Variants in PARVA observed in about 807,000 individuals in gnomAD.
PARVA encodes alpha-parvin.
PARVA carries 25 observed loss-of-function variants against 52.6 expected under a neutral mutation model. The ratio of observed to expected loss-of-function variants is 0.48; its 90% CI spans 0.35 to 0.66. The LOEUF is 0.66. Ranked by LOEUF, PARVA falls within the 30% of genes least tolerant of loss-of-function variation. The pLI is 0.01. For missense variants in PARVA, 373 were observed against 450.9 expected, an observed-to-expected ratio of 0.83 and a Z score of 1.56; for synonymous variants, 185 against 179.1, an observed-to-expected ratio of 1.03 and a Z score of -0.26.
chr11:12,422,757 T>G (rs1940169880), intron 1 of PARVA, among the ~76,000 whole-genome samples: 2 of 152,360 alleles, frequency 1.3e-5, no homozygotes, highest in Middle Eastern at 3.4e-3. Flanking sequence ...TATCTCACAC[T>G]ATAAGATTTT....
chr11:12,386,188 T>C (rs2134947978), intron 1 of PARVA, among the ~76,000 whole-genome samples: 1 of 152,296 alleles, frequency 6.6e-6, no homozygotes, highest in African/African-American at 2.4e-5. Context: ...CAGGACAAAC[T>C]TCTTAACATG....
At chr11:12,441,010 C>A (rs1054985677) in intron 1 of PARVA, among the ~76,000 whole-genome samples, 1 of 152,228 alleles carries the variant, frequency 6.6e-6, no homozygotes, top group African/African-American at 2.4e-5. Flanking sequence ...ATCACATTCA[C>A]AGTCCCAGGA....
chr11:12,443,515 G>A (rs1402853067), intron 1 of PARVA, among the ~76,000 whole-genome samples: 2 of 152,140 alleles, frequency 1.3e-5, no homozygotes, highest in Non-Finnish European at 2.9e-5. Context: ...TTCTTCTCTT[G>A]GGTGACCTGT....
At chr11:12,512,160 G>A (rs1461500666) in intron 8 of PARVA, among the ~76,000 whole-genome samples, 3 of 152,150 alleles carry the variant, frequency 2.0e-5, no homozygotes, top group East Asian at 1.9e-4. Context: ...TAGCTTGCCC[G>A]AGGTGTCTGG....
chr11:12,438,444 G>A (rs533347279), intron 1 of PARVA, among the ~76,000 whole-genome samples: 1 of 151,914 alleles, frequency 6.6e-6, no homozygotes, highest in Non-Finnish European at 1.5e-5. Flanking sequence ...TTTTTATCAG[G>A]AGTCCACTCC....
At chr11:12,503,015 T>G (rs557997363) in intron 5 of PARVA, among the ~76,000 whole-genome samples, 1 of 152,258 alleles carries the variant, frequency 6.6e-6, no homozygotes, top group South Asian at 2.1e-4. Context: ...TGCACCTCAC[T>G]GAGTCTTTTT....
intron 12 of PARVA, among the ~76,000 whole-genome samples, chr11:12,522,339 A>C (rs1046990898): frequency 6.6e-6 from 1 of 152,288 alleles, no homozygotes; most frequent in South Asian, 2.1e-4. Context: ...AGCAAGTGTA[A>C]AACTGGACAA....
chr11:12,460,204 G>A (rs930917160), intron 1 of PARVA, among the ~76,000 whole-genome samples: 1 of 152,148 alleles, frequency 6.6e-6, no homozygotes, highest in Non-Finnish European at 1.5e-5. Flanking sequence ...CGTATAGAAA[G>A]CAAATGTTGC....
At chr11:12,508,449 A>G (rs1941463154) in intron 6 of PARVA, 135 bp from the exon 7 acceptor site, 1 of 704,566 alleles carries the variant, frequency 1.4e-6, no homozygotes, top group Non-Finnish European at 2.5e-6. Context: ...CACTTCCAGC[A>G]TTATCTTATC....
intron 1 of PARVA, among the ~76,000 whole-genome samples, chr11:12,382,483 A>C (rs115133803): frequency 0.016 from 2,402 of 151,962 alleles, 54 homozygotes; most frequent in African/African-American, 0.054. Context: ...TTATTGAAAA[A>C]ATTTGCATAT....
At chr11:12,455,790 C>G (rs992577232) in intron 1 of PARVA, among the ~76,000 whole-genome samples, 1 of 152,112 alleles carries the variant, frequency 6.6e-6, no homozygotes, top group African/African-American at 2.4e-5. Context: ...AACTTCATCT[C>G]AACACAGTTT....
chr11:12,508,659 G>A lies in PARVA; in HGVS notation c.716+17G>A. On this transcript the variant is annotated intron_variant, in intron 7 of 12. Transcript: ENST00000334956. Reference sequence around the variant, plus strand: ...TAACACAGAGTATGTCAACACCATTGTTGCCAGCGATTCTGTAATGGAACA... The same window carrying A: ...TAACACAGAGTATGTCAACACCATTATTGCCAGCGATTCTGTAATGGAACA... 6.4e-7 allele frequency: 1 copy of A among 1,573,358 alleles called. No individual in the cohort carries two copies. The highest frequency in any genetic ancestry group is 8.7e-7 in the Non-Finnish European group (1 of 1,146,420).
intron 1 of PARVA, among the ~76,000 whole-genome samples, chr11:12,406,470 A>T (rs1589945453): frequency 6.6e-6 from 1 of 151,034 alleles, no homozygotes; most frequent in East Asian, 1.9e-4. Flanking sequence ...ATAAAACTAA[A>T]GTATAACATG....
At chr11:12,448,293 T>A (rs1940574845) in intron 1 of PARVA, among the ~76,000 whole-genome samples, 1 of 152,192 alleles carries the variant, frequency 6.6e-6, no homozygotes, top group African/African-American at 2.4e-5. Context: ...ATGGGGAAGA[T>A]GCAGCCTGGC....
At chr11:12,513,864 G>A (rs916760154) in intron 9 of PARVA, 133 bp from the exon 10 acceptor site, 20 of 753,008 alleles carry the variant, frequency 2.7e-5, no homozygotes, top group Non-Finnish European at 4.2e-5. Context: ...GAGCTCCTGG[G>A]CCCAGGGCTC....
At chr11:12,384,691 G>A (rs1185669455) in intron 1 of PARVA, among the ~76,000 whole-genome samples, 1 of 152,160 alleles carries the variant, frequency 6.6e-6, no homozygotes, top group East Asian at 1.9e-4. Context: ...AACATTACAG[G>A]TGGAAGGAAT....
chr11:12,444,049 C>T (rs1444500990), intron 1 of PARVA, among the ~76,000 whole-genome samples: 2 of 152,148 alleles, frequency 1.3e-5, no homozygotes, highest in Admixed American at 6.5e-5. Flanking sequence ...CTTCAGACAC[C>T]ATGTGGTGGC....
chr11:12,405,084 CT>C (rs1351480119), intron 1 of PARVA, among the ~76,000 whole-genome samples: 1 of 152,174 alleles, frequency 6.6e-6, no homozygotes, highest in Non-Finnish European at 1.5e-5. Flanking sequence ...ATAAAAGTCT[CT>C]GCCTGACCCA....
chr11:12,516,003 A>T (rs2135080991), intron 10 of PARVA, among the ~76,000 whole-genome samples: 1 of 152,180 alleles, frequency 6.6e-6, no homozygotes, highest in South Asian at 2.1e-4. Flanking sequence ...TACCCGGTTA[A>T]TTTTTTTGTA....
Sources: gnomAD v4.1 joint callset for allele counts (sites outside exome capture counted in the v4.1 genomes callset) on GRCh38, gnomAD v4.1.1 for gene constraint, MANE v1.5 for transcripts, NCBI Gene and HGNC (gene_info 2026-07-23, HGNC 2026-07-21) for gene names.